PPP3CA: variants seen among roughly 807,000 people sequenced by gnomAD.
PPP3CA encodes CAM-PRP catalytic subunit.
In PPP3CA, 14 loss-of-function variants were observed where a neutral mutation model predicts 66.5. The observed-to-expected ratio is 0.21, with a 90% CI of 0.14 to 0.33. The LOEUF (loss-of-function observed/expected upper bound fraction) is 0.33. Among genes scored for constraint, PPP3CA ranks in the 10% least tolerant of loss-of-function variants. PPP3CA has a pLI of 1.00. For synonymous variants in PPP3CA, 232 were observed against 226.2 expected (o/e 1.03, Z -0.23); for missense variants, 317 against 639.5 (o/e 0.50, Z 5.44).
intron 1 of PPP3CA, among the ~76,000 whole-genome samples, chr4:101,285,591 C>CTGTG (rs1394871373): frequency 3.6e-4 from 47 of 131,858 alleles, no homozygotes; most frequent in African/African-American, 1.2e-3. Context: ...TCAAATGCCA[C>CTGTG]TGTGTGTATG....
intron 1 of PPP3CA, among the ~76,000 whole-genome samples, chr4:101,336,934 G>C (rs1199853868): frequency 6.6e-6 from 1 of 152,106 alleles, no homozygotes; most frequent in South Asian, 2.1e-4. Flanking sequence ...CTAAATTCAG[G>C]CATGAGCAAG....
intron 1 of PPP3CA, among the ~76,000 whole-genome samples, chr4:101,267,250 T>C (rs1727195380): frequency 6.6e-6 from 1 of 152,206 alleles, no homozygotes; most frequent in African/African-American, 2.4e-5. Flanking sequence ...TAATGGCTCA[T>C]CTAAAAGTTG....
chr4:101,036,692 G>A (rs928510894), intron 11 of PPP3CA, among the ~76,000 whole-genome samples: 3 of 152,130 alleles, frequency 2.0e-5, no homozygotes, highest in African/African-American at 4.8e-5. Context: ...GATTACAGGC[G>A]TGAGCCACCG....
chr4:101,051,605 C>T (rs962559449), intron 10 of PPP3CA, among the ~76,000 whole-genome samples: 9 of 152,102 alleles, frequency 5.9e-5, no homozygotes, highest in Admixed American at 6.6e-5. Context: ...ACCCTGTTTG[C>T]GAGAAGTAAA....
At chr4:101,338,752 T>A (rs962883173) in intron 1 of PPP3CA, among the ~76,000 whole-genome samples, 19 of 152,196 alleles carry the variant, frequency 1.2e-4, no homozygotes, top group Non-Finnish European at 2.4e-4. Context: ...AGGAGAACAT[T>A]TGTTATCCCA....
At chr4:101,305,855 T>C (rs567495268) in intron 1 of PPP3CA, among the ~76,000 whole-genome samples, 32 of 150,216 alleles carry the variant, frequency 2.1e-4, no homozygotes, top group Admixed American at 2.1e-3. Flanking sequence ...AGTCAGAAAA[T>C]GTTTTTAAGG....
At chr4:101,045,980 C>G (rs1727747775) in intron 10 of PPP3CA, among the ~76,000 whole-genome samples, 1 of 152,126 alleles carries the variant, frequency 6.6e-6, no homozygotes, top group Admixed American at 6.5e-5. Context: ...TGAAACTATA[C>G]TTGGAAGAAA....
At chr4:101,249,168 A>C (rs75356116) in intron 1 of PPP3CA, among the ~76,000 whole-genome samples, 1 of 1,568 alleles carries the variant, frequency 6.4e-4, no homozygotes, top group Admixed American at 6.8e-3. Flanking sequence ...CTCTGTCTCA[A>C]AAAAAAAAAA....
chr4:101,072,839 G>T (rs1309078394), intron 8 of PPP3CA, among the ~76,000 whole-genome samples: 2 of 151,382 alleles, frequency 1.3e-5, no homozygotes, highest in Non-Finnish European at 2.9e-5. Flanking sequence ...CGGAGGCTGA[G>T]GCAGGAGAAT....
chr4:101,168,129 G>A (rs1723752098), intron 2 of PPP3CA, among the ~76,000 whole-genome samples: 2 of 152,160 alleles, frequency 1.3e-5, no homozygotes, highest in Admixed American at 1.3e-4. Context: ...GTAGTGGAAG[G>A]GCTAGTGCAG....
intron 12 of PPP3CA, among the ~76,000 whole-genome samples, chr4:101,031,014 G>A (rs1005997728): frequency 2.0e-5 from 3 of 151,268 alleles, no homozygotes; most frequent in Admixed American, 1.3e-4. Context: ...TAAAGGGGAC[G>A]TTTACTTCTC....
At chr4:101,055,130 G>A (rs1203252224) in intron 10 of PPP3CA, among the ~76,000 whole-genome samples, 1 of 152,048 alleles carries the variant, frequency 6.6e-6, no homozygotes, top group Admixed American at 6.6e-5. Context: ...GACAGTCCCA[G>A]ATAAATAACT....
At chr4:101,235,711 A>G (rs753883323) in intron 1 of PPP3CA, among the ~76,000 whole-genome samples, 5 of 151,814 alleles carry the variant, frequency 3.3e-5, no homozygotes, top group Non-Finnish European at 7.4e-5. Context: ...AATAATCATT[A>G]CTTATTTGAC....
At chr4:101,308,548 T>C (rs1039846786) in intron 1 of PPP3CA, among the ~76,000 whole-genome samples, 6 of 152,066 alleles carry the variant, frequency 3.9e-5, no homozygotes, top group African/African-American at 1.4e-4. Flanking sequence ...TGGGCTCAAG[T>C]GATCTTGCAG....
chr4:101,122,380 C>T (rs1316472488), intron 2 of PPP3CA, among the ~76,000 whole-genome samples: 1 of 152,058 alleles, frequency 6.6e-6, no homozygotes, highest in African/African-American at 2.4e-5. Flanking sequence ...CATGTAAGAG[C>T]TCTTTGTATG....
chr4:101,272,571 G>A (rs1326137507), intron 1 of PPP3CA, among the ~76,000 whole-genome samples: 1 of 152,168 alleles, frequency 6.6e-6, no homozygotes, highest in African/African-American at 2.4e-5. Context: ...CTTATGCTCA[G>A]AGAAGTAGCA....
At position 101,040,549 on chromosome 4, in the gene PPP3CA, G is replaced by T; in HGVS notation, c.1174C>A (p.Arg392=). 1 of 1,612,438 alleles carries T rather than the reference G, an allele frequency of 6.2e-7. No individual in the cohort carries two copies. Among genetic ancestry groups the T allele is most frequent in the Non-Finnish European group, 8.5e-7 (1 of 1,179,500 alleles). Residue 392 remains arginine, a synonymous_variant, in exon 11 of 14, where the codon CGG becomes AGG. Coordinates refer to ENST00000394854, the MANE Select transcript of PPP3CA (RefSeq NM_000944.5). ...ATCTTGTTCCTTATCACCTCTTTCC[G>T]GGCTGCAGCTGTTGCACCTGTATTT... ...DGFDGATAAA[R]KEVIRNKIRA...
intron 1 of PPP3CA, among the ~76,000 whole-genome samples, chr4:101,307,193 C>T (rs993614759): frequency 3.4e-5 from 5 of 148,210 alleles, no homozygotes; most frequent in African/African-American, 9.9e-5. Context: ...AAAACAGATT[C>T]TGTTGGTACA....
At position 101,197,308 on chromosome 4, in the gene PPP3CA, G is replaced by A. The variant is rs996685205; in HGVS notation, c.59-1192C>T. Among the ~76,000 whole-genome samples the A allele has an allele frequency of 2.6e-5, 4 of 152,244 alleles. No homozygotes were observed. In the South Asian group the frequency reaches 6.2e-4, roughly 24 times the overall value. On this transcript the variant is annotated intron_variant, in intron 1 of 13. Coordinates refer to ENST00000394854, the MANE Select transcript of PPP3CA (RefSeq NM_000944.5). Reference sequence around the variant, plus strand: ...TCTAATGGCATAGATTTGTAATCCCGAGTTAAATTATAACTAACAGAAAAG... The same window carrying A: ...TCTAATGGCATAGATTTGTAATCCCAAGTTAAATTATAACTAACAGAAAAG...
Sources: allele counts gnomAD v4.1 joint callset (sites outside exome capture counted in the v4.1 genomes callset), GRCh38; gene constraint gnomAD v4.1.1; transcripts MANE v1.5; gene names NCBI Gene and HGNC (gene_info 2026-07-23, HGNC 2026-07-21).